The following CENPI variants were observed in gnomAD, a reference collection of about 807,000 sequenced individuals.
The protein encoded by CENPI is FSH primary response 1.
Under a neutral mutation model 60.4 loss-of-function variants are expected in CENPI, and 4 were observed. The ratio of observed to expected loss-of-function variants is 0.07; its 90% CI spans 0.03 to 0.15. The LOEUF is 0.15. Among genes scored for constraint, CENPI ranks in the 10% least tolerant of loss-of-function variants. CENPI has a pLI of 1.00. For synonymous variants in CENPI, 157 were observed against 189.4 expected (o/e 0.83, Z 1.40); for missense variants, 444 against 534.5 (o/e 0.83, Z 1.67).
At chrX:101,158,259 T>G (rs962036570) in intron 20 of CENPI, among the ~76,000 whole-genome samples, 1 of 107,287 alleles carries the variant, frequency 9.3e-6, no homozygotes. Flanking sequence ...GTAAATTGCT[T>G]TGGGCAGTAT....
intron 12 of CENPI, 84 bp from the exon 13 acceptor site, chrX:101,129,891 TTTGTCAC>T: frequency 1.6e-6 from 1 of 607,385 alleles, no homozygotes; most frequent in Non-Finnish European, 2.7e-6. Context: ...GCTTTTTTAC[TTTGTCAC>T]TTGTCACTTT....
chrX:101,108,385 G>A (rs988200157), intron 4 of CENPI, among the ~76,000 whole-genome samples: 19 of 109,429 alleles, frequency 1.7e-4, no homozygotes, highest in African/African-American at 6.0e-4. Context: ...CCATAGAGAC[G>A]GGGTCCTGCT....
At chrX:101,177,729 C>T in the CENPI span, among the ~76,000 whole-genome samples, 2 of 112,136 alleles carry the variant, frequency 1.8e-5, no homozygotes, top group Non-Finnish European at 3.8e-5. Context: ...GGAGTTTGTC[C>T]TCAGGCCATG....
At chrX:101,150,138 C>T (rs2089994717) in intron 20 of CENPI, among the ~76,000 whole-genome samples, 1 of 107,027 alleles carries the variant, frequency 9.3e-6, no homozygotes, top group Non-Finnish European at 1.9e-5. Flanking sequence ...TCTTTTCTTA[C>T]CTTCATAATA....
chrX:101,102,151 G>A, intron 3 of CENPI, 123 bp from the exon 4 acceptor site: 1 of 496,169 alleles, frequency 2.0e-6, no homozygotes, highest in Non-Finnish European at 3.1e-6. Context: ...TGGAATTACA[G>A]ATGTGGGTCA....
intron 15 of CENPI, among the ~76,000 whole-genome samples, chrX:101,139,830 T>TG (rs146022460): frequency 0.2 from 20,225 of 102,016 alleles, 1,653 homozygotes; most frequent in Middle Eastern, 0.34. Flanking sequence ...GTTTTTTTTT[T>TG]TTTGTTTTTT....
intron 15 of CENPI, among the ~76,000 whole-genome samples, chrX:101,133,310 A>G (rs2089814038): frequency 1.0e-5 from 1 of 97,216 alleles, no homozygotes; most frequent in Admixed American, 1.2e-4. Context: ...CAGAGACTTC[A>G]GTTTGAATTT....
At chrX:101,127,726 T>TTTTG (rs1435948966) in intron 11 of CENPI, 61 bp downstream of exon 11, 4 of 947,720 alleles carry the variant, frequency 4.2e-6, no homozygotes, top group South Asian at 5.1e-5. Context: ...GCCTTTGTTT[T>TTTTG]TTTGTTTGTT....
intron 6 of CENPI, among the ~76,000 whole-genome samples, chrX:101,111,940 G>A (rs2089558121): frequency 9.0e-6 from 1 of 111,542 alleles, no homozygotes; most frequent in South Asian, 3.8e-4. Flanking sequence ...GCTGAGGCAG[G>A]AGAATCACTT....
chrX:101,133,002 T>C (rs1208917380), intron 15 of CENPI, among the ~76,000 whole-genome samples: 1 of 111,138 alleles, frequency 9.0e-6, no homozygotes, highest in East Asian at 2.8e-4. Context: ...AAGTTCTACC[T>C]GAATGAGTTT....
intron 15 of CENPI, among the ~76,000 whole-genome samples, chrX:101,135,864 G>A (rs754035098): frequency 1.8e-5 from 2 of 111,322 alleles, no homozygotes; most frequent in African/African-American, 6.5e-5. Flanking sequence ...GGGATAACAG[G>A]CGCCCACCAC....
At chrX:101,102,496 TACACAC>T (rs35162075) in intron 4 of CENPI, 85 bp downstream of exon 4, 2 of 251,664 alleles carry the variant, frequency 7.9e-6, no homozygotes, top group South Asian at 9.1e-5. Context: ...TATATATATA[TACACAC>T]ACACACACAC....
At chrX:101,172,359 TAGC>T in the CENPI span, among the ~76,000 whole-genome samples, 1 of 111,599 alleles carries the variant, frequency 9.0e-6, no homozygotes, top group Non-Finnish European at 1.9e-5. Context: ...AGATTGTTCA[TAGC>T]AGCATTATTT....
intron 15 of CENPI, among the ~76,000 whole-genome samples, chrX:101,134,303 A>G (rs1441469652): frequency 1.8e-5 from 2 of 111,495 alleles, no homozygotes; most frequent in Non-Finnish European, 3.8e-5. Flanking sequence ...GGATATATAG[A>G]TTTATTTGTA....
At position 101,147,766 on chromosome X, in the gene CENPI, T is replaced by C; in HGVS notation, c.1830T>C (p.Tyr610=). 1 of 1,198,645 alleles carries C rather than the reference T, an allele frequency of 8.3e-7. No individual in the cohort carries two copies. The highest frequency in any genetic ancestry group is 1.1e-6 in the Non-Finnish European group (1 of 884,990). The change falls in exon 19 of 22, where the codon TAT becomes TAC. Residue 610 remains tyrosine (Y), a synonymous_variant. Coordinates refer to ENST00000682095, the MANE Select transcript of CENPI (RefSeq NM_001386188.2). ...LNQLCFIMHR[Y]RKNLTAAKKN... ...TTCTGTTTGTTTTTTCTGTTAGATA[T>C]CGTAAAAATTTGACTGCCGCAAAGA... is the stretch of plus-strand genomic sequence containing the variant.
chrX:101,121,991 A>G (rs2089684565), intron 8 of CENPI, among the ~76,000 whole-genome samples: 1 of 108,356 alleles, frequency 9.2e-6, no homozygotes, highest in South Asian at 4.1e-4. Context: ...TTTAGTAGAG[A>G]TGGTGGTCTC....
chrX:101,172,016 C>T, the CENPI span, among the ~76,000 whole-genome samples: 1 of 111,485 alleles, frequency 9.0e-6, no homozygotes, highest in Admixed American at 9.6e-5. Flanking sequence ...TATTTCTCCC[C>T]AGGAAGATAT....
chrX:101,170,457 A>C (rs186867505), downstream of CENPI, among the ~76,000 whole-genome samples: 633 of 112,078 alleles, frequency 5.6e-3, 5 homozygotes, highest in African/African-American at 0.017. Context: ...GACTTATCCC[A>C]GGAATGCAAG....
At chrX:101,181,475 C>T in the CENPI span, among the ~76,000 whole-genome samples, 1 of 112,073 alleles carries the variant, frequency 8.9e-6, no homozygotes, top group Non-Finnish European at 1.9e-5. Context: ...AAAACAACAA[C>T]GTTTTGTAGT....
Sources: allele counts gnomAD v4.1 joint callset (sites outside exome capture counted in the v4.1 genomes callset), GRCh38; gene constraint gnomAD v4.1.1; transcripts MANE v1.5; gene names NCBI Gene and HGNC (gene_info 2026-07-23, HGNC 2026-07-21).